The following PCBP3 variants were observed in gnomAD, a reference collection of about 807,000 sequenced individuals.
PCBP3 encodes poly(rC) binding protein 3, also known as poly(rC)-binding protein 3.
In PCBP3, 25 loss-of-function variants were observed where a neutral mutation model predicts 52.7. That is an observed-to-expected ratio of 0.47 (90% confidence interval 0.35 to 0.66). The LOEUF (loss-of-function observed/expected upper bound fraction) is 0.66. Among genes scored for constraint, PCBP3 ranks in the 30% least tolerant of loss-of-function variants. The pLI is 0.01. For missense variants in PCBP3, 391 were observed against 490.3 expected, an observed-to-expected ratio of 0.80 and a Z score of 1.91; for synonymous variants, 162 against 183.0, an observed-to-expected ratio of 0.89 and a Z score of 0.93.
At chr21:45,935,394 C>A (rs773751453) in intron 16 of PCBP3, 89 bp downstream of exon 16, 3 of 927,394 alleles carry the variant, frequency 3.2e-6, no homozygotes, top group East Asian at 5.2e-5. Flanking sequence ...GGCAGAGGGA[C>A]CCACTGCTTG....
chr21:45,932,278 C>G (rs1014632075), intron 15 of PCBP3, among the ~76,000 whole-genome samples: 1 of 146,036 alleles, frequency 6.8e-6, no homozygotes, highest in African/African-American at 2.6e-5. Flanking sequence ...TGGTCCATGC[C>G]GTCATGAGAT....
chr21:45,844,710 A>C (rs933113355), intron 4 of PCBP3, among the ~76,000 whole-genome samples: 3 of 152,082 alleles, frequency 2.0e-5, no homozygotes, highest in Non-Finnish European at 4.4e-5. Flanking sequence ...AAAAGTGGCA[A>C]CGTTAGGGTC....
chr21:45,808,176 A>C (rs374332049), intron 4 of PCBP3, among the ~76,000 whole-genome samples: 2 of 152,230 alleles, frequency 1.3e-5, no homozygotes, highest in Non-Finnish European at 2.9e-5. Context: ...ATGGCAACAA[A>C]AGCCAAAATT....
chr21:45,917,728 A>ATTGTG lies in PCBP3; in HGVS notation c.717+100_717+101insTGTGT. On this transcript the variant is annotated intron_variant, in intron 13 of 17. Transcript: ENST00000681687. The surrounding 1 kb of genome is among the most constrained non-coding windows in gnomAD (Gnocchi z 5.3). ...TTGCTACTAACATTAATATTACACAATAATATTAATCAACTTCTCAGCGTT... is the reference window on the plus strand; with the variant it reads ...TTGCTACTAACATTAATATTACACAATTGTGTAATATTAATCAACTTCTCAGCGTT... The ATTGTG allele has an allele frequency of 1.3e-5, 12 of 950,626 alleles. No homozygotes were observed. The highest frequency in any genetic ancestry group is 1.9e-5 in the Non-Finnish European group (11 of 577,582). 58.9% of individuals were successfully genotyped at this position (950,626 alleles called of 1,614,324 possible).
intron 5 of PCBP3, among the ~76,000 whole-genome samples, chr21:45,850,378 C>G (rs568969070): frequency 2.6e-5 from 4 of 152,270 alleles, no homozygotes; most frequent in African/African-American, 9.6e-5. Flanking sequence ...CTGGAGCCAG[C>G]CCCGAGAAGC....
rs118028572 is a variant in PCBP3 at position 45,830,867 on chromosome 21, C to T, written c.-125-19094C>T. Reference sequence around the variant, plus strand: ...CAGAAAGGCGGGGAATCGAGAGTGACGTAGTCACCCTCCACCTTTGTCCCT... The same window carrying T: ...CAGAAAGGCGGGGAATCGAGAGTGATGTAGTCACCCTCCACCTTTGTCCCT... On this transcript the variant is annotated intron_variant, in intron 4 of 17. Coordinates refer to ENST00000681687, the MANE Select transcript of PCBP3 (RefSeq NM_001384156.1). The surrounding 1 kb of genome is among the most constrained non-coding windows in gnomAD (Gnocchi z 4.4). 4.6e-5 allele frequency: 7 copies of T among 152,372 alleles called. No homozygotes were observed. In the East Asian group the frequency reaches 5.8e-4, roughly 13 times the overall value. 9.4% of individuals were successfully genotyped at this position (152,372 alleles called of 1,614,324 possible).
At chr21:45,743,641 G>C (rs748593621) in intron 3 of PCBP3, among the ~76,000 whole-genome samples, 11 of 152,166 alleles carry the variant, frequency 7.2e-5, no homozygotes, top group Non-Finnish European at 4.4e-5. Context: ...GTTAGGGCTA[G>C]AGTTAAGGCT....
intron 17 of PCBP3, among the ~76,000 whole-genome samples, chr21:45,941,353 C>T (rs1342238527): frequency 6.6e-6 from 1 of 152,198 alleles, no homozygotes; most frequent in Admixed American, 6.5e-5. Context: ...TTCTCAGATG[C>T]CAGGTGTGAG....
chr21:45,860,761 G>A (rs765087428), intron 5 of PCBP3, among the ~76,000 whole-genome samples: 3 of 152,244 alleles, frequency 2.0e-5, no homozygotes, highest in Admixed American at 6.5e-5. Context: ...TTACACACAC[G>A]TGATGCAGCT....
chr21:45,810,643 C>T (rs2092661339), intron 4 of PCBP3, among the ~76,000 whole-genome samples: 1 of 152,104 alleles, frequency 6.6e-6, no homozygotes, highest in South Asian at 2.1e-4. Flanking sequence ...TCATTTTTCT[C>T]ATCTCTGTGT....
chr21:45,677,533 A>G (rs1247266627), intron 2 of PCBP3, among the ~76,000 whole-genome samples: 2 of 152,240 alleles, frequency 1.3e-5, no homozygotes, highest in African/African-American at 2.4e-5. Context: ...AGAATAGATG[A>G]AGGTAGCTAC....
intron 4 of PCBP3, among the ~76,000 whole-genome samples, chr21:45,786,804 C>T (rs1307786787): frequency 1.3e-5 from 2 of 152,224 alleles, no homozygotes; most frequent in Admixed American, 6.5e-5. Context: ...GGCACCATGA[C>T]TGCTCCTAGG....
At chr21:45,732,807 A>C (rs2085558264) in intron 2 of PCBP3, 1 of 152,216 alleles carries the variant, frequency 6.6e-6, no homozygotes, top group African/African-American at 2.4e-5. Flanking sequence ...GGTGTGTGCC[A>C]CCATGCCTGG....
At position 45,662,271 on chromosome 21, in the gene PCBP3, G is replaced by GT. The variant is rs59220095; in HGVS notation, c.-278-6573dup. Among the ~76,000 whole-genome samples the GT allele has an allele frequency of 7.4e-3, 722 of 97,238 alleles. 60 individuals carry two copies. Among genetic ancestry groups the GT allele is most frequent in the Middle Eastern group, 0.013 (2 of 156 alleles). The allele number at this position is 97,238 out of a possible 152,430, so 63.8% of individuals were successfully genotyped here. On this transcript the variant is annotated intron_variant, in intron 1 of 17. Transcript: ENST00000681687. ...TACAGGTATGTGCCAATATACCTAA[G>GT]TTTTTTTTTTTTTTTTTTTTTTTTT...
chr21:45,814,100 G>T (rs972478442), intron 4 of PCBP3, among the ~76,000 whole-genome samples: 1 of 152,248 alleles, frequency 6.6e-6, no homozygotes, highest in South Asian at 2.1e-4. Flanking sequence ...GTGCATGACT[G>T]TGCTGAATAC....
At chr21:45,645,718 T>A (rs1446116715) in intron 1 of PCBP3, among the ~76,000 whole-genome samples, 1 of 152,254 alleles carries the variant, frequency 6.6e-6, no homozygotes, top group East Asian at 1.9e-4. Context: ...AGATTTGGAT[T>A]CTGTGTATCA....
intron 5 of PCBP3, among the ~76,000 whole-genome samples, chr21:45,888,328 A>G (rs2095570311): frequency 6.6e-6 from 1 of 152,264 alleles, no homozygotes; most frequent in Non-Finnish European, 1.5e-5. Context: ...ATTTGTTAAA[A>G]TAATCAAGTT....
At position 45,928,820 on chromosome 21, in the gene PCBP3, GTT is replaced by G. The variant is rs760977784; in HGVS notation, c.718-1096_718-1095del. On this transcript the variant is annotated intron_variant, in intron 13 of 17. Transcript: ENST00000681687. The surrounding 1 kb of genome is among the most constrained non-coding windows in gnomAD (Gnocchi z 4.1). ...ACGCTGGGATTTATTTGGGTTGAAT[GTT>G]CTGAAGGGAAAATGCTGGGGAGGTG... 2.0e-4 allele frequency among the ~76,000 whole-genome samples: 31 copies of G among 152,194 alleles called. No individual in the cohort carries two copies. The highest frequency in any genetic ancestry group is 3.1e-4 in the Non-Finnish European group (21 of 68,028).
intron 4 of PCBP3, among the ~76,000 whole-genome samples, chr21:45,797,394 G>T (rs2091981331): frequency 9.1e-6 from 1 of 110,190 alleles, no homozygotes; most frequent in Non-Finnish European, 1.9e-5. Context: ...ATAGTTGAGT[G>T]CGTGGATCTG....
Sources: gnomAD v4.1 joint callset for allele counts (sites outside exome capture counted in the v4.1 genomes callset) on GRCh38, gnomAD v4.1.1 for gene constraint, Gnocchi (gnomAD v3.1) non-coding constraint, MANE v1.5 for transcripts, NCBI Gene and HGNC (gene_info 2026-07-23, HGNC 2026-07-21) for gene names.